Variants in TGFBR2 observed in about 807,000 individuals in gnomAD.
The protein encoded by TGFBR2 is TGF-beta receptor type-2.
In TGFBR2, 18 loss-of-function variants were observed where a neutral mutation model predicts 49.0. The ratio of observed to expected loss-of-function variants is 0.37; its 90% CI spans 0.25 to 0.54. The LOEUF (loss-of-function observed/expected upper bound fraction) is 0.54, where lower values mean the gene tolerates loss of function less well. Ranked by LOEUF, TGFBR2 falls within the 20% of genes least tolerant of loss-of-function variation. The probability of loss-of-function intolerance (pLI) is 0.85; values close to 1 mark genes in which losing one functional copy is unlikely to be tolerated. For missense variants in TGFBR2, 525 were observed against 722.6 expected (o/e 0.73, Z 3.13); for synonymous variants, 282 against 275.9 (o/e 1.02, Z -0.22).
In TGFBR2 at chr3:30,672,553, G is replaced by T. The variant is rs545531546; in HGVS notation, c.1254+116G>T. Reference sequence around the variant, plus strand: ...GCCCTGTACTCTGGACACTGGTCTAGGGAATCTAGCCAAAGTATGGAGTCT... The same window carrying T: ...GCCCTGTACTCTGGACACTGGTCTATGGAATCTAGCCAAAGTATGGAGTCT... On this transcript the variant is annotated intron_variant, in intron 4 of 6. Coordinates refer to ENST00000295754, the MANE Select transcript of TGFBR2 (RefSeq NM_003242.6). The surrounding 1 kb of genome is among the most constrained non-coding windows in gnomAD (Gnocchi z 4.5). 2.8e-5 allele frequency: 34 copies of T among 1,198,416 alleles called. No individual in the cohort carries two copies. The South Asian group carries it at 4.2e-4, about 15-fold the overall frequency. 74.2% of individuals were successfully genotyped at this position (1,198,416 alleles called of 1,614,324 possible).
chr3:30,643,273 C>T (rs1201793322), intron 1 of TGFBR2, among the ~76,000 whole-genome samples: 1 of 152,228 alleles, frequency 6.6e-6, no homozygotes, highest in Non-Finnish European at 1.5e-5. Flanking sequence ...GGCCCAGCAA[C>T]TGTTCCAGCA....
intron 1 of TGFBR2, among the ~76,000 whole-genome samples, chr3:30,640,854 CGTT>C (rs1474698653): frequency 1.3e-5 from 2 of 152,126 alleles, no homozygotes; most frequent in African/African-American, 4.8e-5. Flanking sequence ...GGTTTTGTAT[CGTT>C]GTTTAGAGGA....
chr3:30,650,185 C>G, intron 2 of TGFBR2, 85 bp from the exon 3 acceptor site: 1 of 1,381,730 alleles, frequency 7.2e-7, no homozygotes, highest in East Asian at 2.3e-5. Context: ...TCCAGATTGC[C>G]TTTCTGTCTG....
Position 30,676,377 on chromosome 3 carries a change from A to T in TGFBR2, c.1396+2131A>T, listed in dbSNP as rs1191859418. Among the ~76,000 whole-genome samples, 1 of 152,186 alleles carries T rather than the reference A, an allele frequency of 6.6e-6. No homozygotes were observed. The highest frequency in any genetic ancestry group is 1.9e-4 in the East Asian group (1 of 5,198). On this transcript the variant is annotated intron_variant, in intron 5 of 6. Transcript: ENST00000295754. The surrounding 1 kb of genome is among the most constrained non-coding windows in gnomAD (Gnocchi z 4.3). ...CTATGACTAATTCCTGCCTATAACAATTATTACTATAATGTTTACTTAAGG... is the reference window on the plus strand; with the variant it reads ...CTATGACTAATTCCTGCCTATAACATTTATTACTATAATGTTTACTTAAGG...
intron 6 of TGFBR2, among the ~76,000 whole-genome samples, chr3:30,690,023 T>G (rs968634700): frequency 2.0e-5 from 3 of 152,184 alleles, no homozygotes; most frequent in Admixed American, 1.3e-4. Context: ...TGCAATTAAT[T>G]TAACATCATG....
At position 30,691,927 on chromosome 3, in the gene TGFBR2, A is replaced by C. The variant is rs886058309; in HGVS notation, c.*328A>C. ...CTATGTTTTATATATATATATATAT[A>C]TCTATATATGTCTATAGCTCTATAT... On this transcript the variant is annotated 3_prime_UTR_variant, in exon 7 of 7. Transcript: ENST00000295754. The C allele has an allele frequency of 5.4e-5, 11 of 204,370 alleles. No homozygotes were observed. Among genetic ancestry groups the C allele is most frequent in the Non-Finnish European group, 9.8e-5 (10 of 101,576 alleles). 12.7% of individuals were successfully genotyped at this position (204,370 alleles called of 1,614,324 possible). A position where few individuals can be genotyped will look rare whatever the true frequency, so the allele number is the denominator to read the frequency against.
intron 5 of TGFBR2, among the ~76,000 whole-genome samples, chr3:30,678,257 G>C (rs1205902451): frequency 1.3e-5 from 2 of 152,118 alleles, no homozygotes; most frequent in Non-Finnish European, 2.9e-5. Flanking sequence ...TGCTCAAGAG[G>C]TATGGTCCTG....
intron 1 of TGFBR2, among the ~76,000 whole-genome samples, chr3:30,622,937 A>G (rs1277005780): frequency 6.6e-6 from 1 of 151,346 alleles, no homozygotes; most frequent in Non-Finnish European, 1.5e-5. Flanking sequence ...AAAAAGAGAA[A>G]CTAGTACCAG....
chr3:30,671,516 A>G (rs990642025), intron 3 of TGFBR2, 122 bp from the exon 4 acceptor site: 2 of 981,888 alleles, frequency 2.0e-6, no homozygotes, highest in African/African-American at 3.2e-5. Flanking sequence ...AATTAACAAT[A>G]TCGTATCTAC....
intron 3 of TGFBR2, 56 bp downstream of exon 3, chr3:30,650,516 T>C (rs894878590): frequency 6.3e-7 from 1 of 1,584,464 alleles, no homozygotes; most frequent in African/African-American, 1.3e-5. Context: ...ATTTTTTGTA[T>C]CCTTGGTCTG....
chr3:30,634,135 T>A (rs370653937), intron 1 of TGFBR2, among the ~76,000 whole-genome samples: 1 of 152,156 alleles, frequency 6.6e-6, no homozygotes, highest in Non-Finnish European at 1.5e-5. Context: ...ACGGAGAAAT[T>A]TATCAGTGAA....
At chr3:30,637,875 G>C (rs1340453344) in intron 1 of TGFBR2, among the ~76,000 whole-genome samples, 2 of 152,192 alleles carry the variant, frequency 1.3e-5, no homozygotes, top group Non-Finnish European at 2.9e-5. Flanking sequence ...CGAGGCAAAA[G>C]GCTATTTGCG....
At chr3:30,681,384 T>C (rs907831065) in intron 5 of TGFBR2, among the ~76,000 whole-genome samples, 14 of 152,038 alleles carry the variant, frequency 9.2e-5, no homozygotes, top group African/African-American at 3.4e-4. Context: ...TGCTGCCCTG[T>C]TACATTGGGA....
chr3:30,689,320 C>T (rs1021417628), intron 6 of TGFBR2, among the ~76,000 whole-genome samples: 1 of 151,956 alleles, frequency 6.6e-6, no homozygotes, highest in Non-Finnish European at 1.5e-5. Context: ...TCTGACACAC[C>T]CAGGAAGGAG....
rs1699661731 is a variant in TGFBR2 at position 30,688,488 on chromosome 3, C to T, written c.1501C>T (p.Pro501Ser). The T allele has an allele frequency of 6.2e-7, 1 of 1,614,226 alleles. No individual in the cohort carries two copies. The highest frequency in any genetic ancestry group is 8.5e-7 in the Non-Finnish European group (1 of 1,180,028). The change falls in exon 6 of 7, where the codon CCC becomes TCC. Residue 501 changes from proline to serine, a missense_variant. This residue lies in a region of TGFBR2 where 104 missense variants were observed against 133.4 expected (regional missense o/e 0.78). Coordinates refer to ENST00000295754, the MANE Select transcript of TGFBR2 (RefSeq NM_003242.6). ...VLRDRGRPEI[P>S]SFWLNHQGIQ... ...GAGAGATCGAGGGCGACCAGAAATT[C>T]CCAGCTTCTGGCTCAACCACCAGGT...
chr3:30,621,347 C>A (rs1291693236), intron 1 of TGFBR2, among the ~76,000 whole-genome samples: 1 of 145,358 alleles, frequency 6.9e-6, no homozygotes, highest in Non-Finnish European at 1.5e-5. Context: ...ATGGCACGAC[C>A]TCAGCTCACT....
At chr3:30,612,537 T>C (rs181664301) in intron 1 of TGFBR2, among the ~76,000 whole-genome samples, 1 of 152,186 alleles carries the variant, frequency 6.6e-6, no homozygotes, top group Non-Finnish European at 1.5e-5. Flanking sequence ...CCTGACTACA[T>C]TTGTACCACA....
At chr3:30,615,138 AT>A (rs1029860216) in intron 1 of TGFBR2, among the ~76,000 whole-genome samples, 4 of 152,200 alleles carry the variant, frequency 2.6e-5, no homozygotes, top group Admixed American at 6.5e-5. Flanking sequence ...AAGTTTAGGT[AT>A]TCTGAGTAAA....
chr3:30,632,707 T>C (rs1348020478), intron 1 of TGFBR2, among the ~76,000 whole-genome samples: 2 of 152,204 alleles, frequency 1.3e-5, no homozygotes, highest in Non-Finnish European at 2.9e-5. Flanking sequence ...AGTGAATGCT[T>C]GTGTGGCATT....
Sources: allele counts gnomAD v4.1 joint callset (sites outside exome capture counted in the v4.1 genomes callset), GRCh38; gene constraint gnomAD v4.1.1; regional missense constraint gnomAD v4.1.1; non-coding constraint Gnocchi (gnomAD v3.1); transcripts MANE v1.5; gene names NCBI Gene and HGNC (gene_info 2026-07-23, HGNC 2026-07-21).